The following CSMD1 variants were observed in gnomAD, a reference collection of about 807,000 sequenced individuals.
CSMD1 encodes the protein CUB and Sushi multiple domains 1, also known as CUB and sushi domain-containing protein 1.
In CSMD1, 213 loss-of-function variants were observed where a neutral mutation model predicts 417.5. That is an observed-to-expected ratio of 0.51 (90% CI 0.46 to 0.57). The LOEUF (loss-of-function observed/expected upper bound fraction) is 0.57. Among genes scored for constraint, CSMD1 ranks in the 20% least tolerant of loss-of-function variants. The pLI, the probability that CSMD1 is intolerant of heterozygous loss-of-function variation, is 0.00. For missense variants in CSMD1, 6,923 were observed against 4,529.7 expected, an observed-to-expected ratio of 1.53 and a Z score of -15.17; for synonymous variants, 2,862 against 1,736.8, an observed-to-expected ratio of 1.65 and a Z score of -16.11.
chr8:3,402,417 T>C (rs1192473454), intron 15 of CSMD1, among the ~76,000 whole-genome samples: 1 of 152,190 alleles, frequency 6.6e-6, no homozygotes, highest in Admixed American at 6.5e-5. Context: ...TAGTCATTTT[T>C]CCCCAAAATA....
intron 1 of CSMD1, among the ~76,000 whole-genome samples, chr8:4,754,671 G>A (rs1344747677): frequency 1.3e-5 from 2 of 151,928 alleles, no homozygotes; most frequent in Admixed American, 1.3e-4. Context: ...CTAACATGGT[G>A]AAACCCTGTC....
At chr8:3,824,915 A>G (rs1801967090) in intron 5 of CSMD1, among the ~76,000 whole-genome samples, 1 of 152,208 alleles carries the variant, frequency 6.6e-6, no homozygotes, top group South Asian at 2.1e-4. Context: ...AGCCCTGTTA[A>G]TTAGCACCAT....
At chr8:3,025,832 T>C (rs538178308) in intron 51 of CSMD1, among the ~76,000 whole-genome samples, 216 of 152,400 alleles carry the variant, frequency 1.4e-3, no homozygotes, top group Middle Eastern at 3.4e-3. Flanking sequence ...GAGCATGTAA[T>C]TGATATGTTA....
At chr8:4,787,992 A>G in intron 1 of CSMD1, 1 of 1,593,694 alleles carries the variant, frequency 6.3e-7, no homozygotes, top group Non-Finnish European at 8.6e-7. Context: ...ACAGAAAGAC[A>G]AACAGTGTTA....
intron 10 of CSMD1, among the ~76,000 whole-genome samples, chr8:3,523,606 T>G (rs1228057675): frequency 6.7e-6 from 1 of 149,668 alleles, no homozygotes; most frequent in African/African-American, 2.5e-5. Flanking sequence ...CACATGTGCA[T>G]GTACACACAC....
In CSMD1 at chr8:4,918,386, T is replaced by C. The variant is rs191313805; in HGVS notation, c.85+75946A>G. ...GTGAAAGGTGGGTGTTCCTCCCAGA[T>C]TCAGACCTTTCTGCCGATTCTTGCA... On this transcript the variant is annotated intron_variant, in intron 1 of 69. Coordinates refer to ENST00000635120, the MANE Select transcript of CSMD1 (RefSeq NM_033225.6). 3.3e-3 allele frequency among the ~76,000 whole-genome samples: 501 copies of C among 152,354 alleles called. 3 individuals are homozygous for C. Among genetic ancestry groups the C allele is most frequent in the African/African-American group, 0.012 (480 of 41,590 alleles).
chr8:3,310,327 ATTG>A (rs1257941473), intron 23 of CSMD1, among the ~76,000 whole-genome samples: 1 of 146,582 alleles, frequency 6.8e-6, no homozygotes, highest in Non-Finnish European at 1.5e-5. Context: ...TACTGTTGTT[ATTG>A]TTGTAGTGTT....
At position 3,300,978 on chromosome 8, in the gene CSMD1, AAAAGAG is replaced by A. The variant is rs1804353579; in HGVS notation, c.3950+6711_3950+6716del. On this transcript the variant is annotated intron_variant, in intron 25 of 69. Coordinates refer to ENST00000635120, the MANE Select transcript of CSMD1 (RefSeq NM_033225.6). Reference sequence around the variant, plus strand: ...TGTCTCAAAAAAAAAAAAAAAAAAAAAAAGAGAAAGAAAAATTAGAAATGGTATAAA... The same window carrying A: ...TGTCTCAAAAAAAAAAAAAAAAAAAAAAAGAAAAATTAGAAATGGTATAAA... 1.6e-4 allele frequency among the ~76,000 whole-genome samples: 24 copies of A among 149,350 alleles called. 1 individual carries two copies. Among genetic ancestry groups the A allele is most frequent in the East Asian group, 7.9e-4 (4 of 5,044 alleles).
chr8:4,901,534 A>G (rs563709175), intron 1 of CSMD1, among the ~76,000 whole-genome samples: 57 of 152,326 alleles, frequency 3.7e-4, no homozygotes, highest in Non-Finnish European at 7.2e-4. Flanking sequence ...GTAAGAATTC[A>G]TATGATCTCC....
chr8:3,649,971 G>C (rs1009039684), intron 7 of CSMD1, among the ~76,000 whole-genome samples: 15 of 152,118 alleles, frequency 9.9e-5, no homozygotes, highest in Middle Eastern at 3.4e-3. Context: ...TTAAATGCTA[G>C]GAGAGGTTAA....
chr8:3,533,335 C>G (rs909194488), intron 10 of CSMD1, among the ~76,000 whole-genome samples: 1 of 152,156 alleles, frequency 6.6e-6, no homozygotes, highest in Non-Finnish European at 1.5e-5. Flanking sequence ...CAGCAGATCT[C>G]TAGAACTTAT....
chr8:4,381,463 C>A (rs2128918895), intron 3 of CSMD1, among the ~76,000 whole-genome samples: 1 of 152,274 alleles, frequency 6.6e-6, no homozygotes, highest in East Asian at 1.9e-4. Flanking sequence ...CCGACGTGTG[C>A]TAAAGATCAT....
At chr8:3,278,595 T>G (rs960875178) in intron 26 of CSMD1, 2 of 152,224 alleles carry the variant, frequency 1.3e-5, no homozygotes, top group Non-Finnish European at 2.9e-5. Flanking sequence ...TGTTTTAAAT[T>G]ATAAAATTAG....
chr8:4,488,180 G>A (rs997915469), intron 2 of CSMD1, among the ~76,000 whole-genome samples: 1 of 152,142 alleles, frequency 6.6e-6, no homozygotes, highest in Non-Finnish European at 1.5e-5. Flanking sequence ...CCAGAACTGT[G>A]AGAAATAAGT....
chr8:3,829,723 G>C (rs896651382), intron 5 of CSMD1, among the ~76,000 whole-genome samples: 1 of 152,154 alleles, frequency 6.6e-6, no homozygotes, highest in Admixed American at 6.5e-5. Context: ...CTTTCTTCCT[G>C]TAGCAGTTCT....
At chr8:3,072,997 A>T in intron 49 of CSMD1, among the ~76,000 whole-genome samples, 1 of 152,200 alleles carries the variant, frequency 6.6e-6, no homozygotes, top group East Asian at 1.9e-4. Flanking sequence ...GAAAAATAAA[A>T]TCATAAAATT....
intron 1 of CSMD1, among the ~76,000 whole-genome samples, chr8:4,789,951 G>A (rs370555487): frequency 2.6e-5 from 4 of 152,230 alleles, no homozygotes; most frequent in African/African-American, 4.8e-5. Flanking sequence ...CCCGAAAAAC[G>A]TATCTTAAAG....
chr8:3,765,284 C>G (rs544314293), intron 5 of CSMD1, among the ~76,000 whole-genome samples: 18 of 152,282 alleles, frequency 1.2e-4, no homozygotes, highest in Admixed American at 1.3e-4. Context: ...GCTAGCCCCA[C>G]GGACTCACTT....
At chr8:4,575,604 G>A (rs903973782) in intron 2 of CSMD1, among the ~76,000 whole-genome samples, 3 of 152,150 alleles carry the variant, frequency 2.0e-5, no homozygotes, top group Admixed American at 6.5e-5. Context: ...TTATGATATG[G>A]TAGACATGTG....
Sources: gnomAD v4.1 joint callset for allele counts (sites outside exome capture counted in the v4.1 genomes callset) on GRCh38, gnomAD v4.1.1 for gene constraint, MANE v1.5 for transcripts, NCBI Gene and HGNC (gene_info 2026-07-23, HGNC 2026-07-21) for gene names.